Variants in SYT9 observed in about 807,000 individuals in gnomAD.
SYT9 encodes synaptotagmin 9.
In SYT9, 22 loss-of-function variants were observed where a neutral mutation model predicts 48.4. That is an observed-to-expected ratio of 0.45 (90% CI 0.32 to 0.65). The LOEUF is 0.65. Ranked by LOEUF, SYT9 falls within the 30% of genes least tolerant of loss-of-function variation. The pLI is 0.03. For synonymous variants in SYT9, 265 were observed against 245.0 expected (o/e 1.08, Z -0.76); for missense variants, 577 against 622.0 (o/e 0.93, Z 0.77).
At chr11:7,367,109 C>T (rs1850264956) in intron 3 of SYT9, among the ~76,000 whole-genome samples, 1 of 89,402 alleles carries the variant, frequency 1.1e-5, no homozygotes, top group African/African-American at 4.2e-5. Context: ...CGAGACGGAG[C>T]CTCGCTCTGT....
chr11:7,269,119 C>G (rs1848248422), intron 1 of SYT9, among the ~76,000 whole-genome samples: 1 of 151,828 alleles, frequency 6.6e-6, no homozygotes, highest in Admixed American at 6.6e-5. Flanking sequence ...TTTATTTATT[C>G]ATTTACCAGC....
chr11:7,293,057 A>G (rs902370840), intron 1 of SYT9, among the ~76,000 whole-genome samples: 2 of 152,140 alleles, frequency 1.3e-5, no homozygotes, highest in Non-Finnish European at 2.9e-5. Context: ...CATCCGGGCA[A>G]TGCAGGGGTG....
intron 3 of SYT9, among the ~76,000 whole-genome samples, chr11:7,371,081 A>G (rs1030216836): frequency 5.1e-4 from 77 of 152,156 alleles, no homozygotes; most frequent in Non-Finnish European, 8.8e-5. Flanking sequence ...CTTTTCTGAT[A>G]GCAGTAGGCT....
In SYT9 at chr11:7,305,007, A is replaced by G. The variant is rs140452469; in HGVS notation, c.497+1617A>G. Among the ~76,000 whole-genome samples the G allele has an allele frequency of 3.4e-3, 520 of 152,334 alleles. 1 individual carries two copies. The highest frequency in any genetic ancestry group is 0.012 in the African/African-American group (493 of 41,582). ...CTAGATTTGATCTGGGGACTCTGCC[A>G]TAATTCTAACAAACTGATAGCAATG... On this transcript the variant is annotated intron_variant, in intron 2 of 6. Coordinates refer to ENST00000318881, the MANE Select transcript of SYT9 (RefSeq NM_175733.4).
chr11:7,395,028 T>G (rs1004204253), intron 3 of SYT9, among the ~76,000 whole-genome samples: 1 of 152,120 alleles, frequency 6.6e-6, no homozygotes, highest in Non-Finnish European at 1.5e-5. Flanking sequence ...TTAATTTTTA[T>G]TTCCATAGGT....
intron 3 of SYT9, among the ~76,000 whole-genome samples, chr11:7,369,796 C>CAA (rs967810812): frequency 1.8e-5 from 2 of 110,276 alleles, no homozygotes; most frequent in African/African-American, 1.1e-4. Flanking sequence ...CACACACAAA[C>CAA]ACACACACAC....
intron 3 of SYT9, among the ~76,000 whole-genome samples, chr11:7,334,714 T>C (rs1020241314): frequency 1.4e-5 from 2 of 140,126 alleles, no homozygotes; most frequent in African/African-American, 2.6e-5. Context: ...TTTTCTAGGA[T>C]TTTATAGAAA....
At chr11:7,331,780 C>CTTT (rs1849537099) in intron 3 of SYT9, among the ~76,000 whole-genome samples, 1 of 152,110 alleles carries the variant, frequency 6.6e-6, no homozygotes, top group African/African-American at 2.4e-5. Context: ...TATATATGCA[C>CTTT]CCGGAATAGA....
intron 3 of SYT9, among the ~76,000 whole-genome samples, chr11:7,369,794 A>AAACAC (rs1564879657): frequency 0.014 from 2,037 of 143,936 alleles, 53 homozygotes; most frequent in African/African-American, 0.049. Context: ...CACACACACA[A>AAACAC]ACACACACAC....
At chr11:7,337,422 A>G (rs1246940405) in intron 3 of SYT9, among the ~76,000 whole-genome samples, 1 of 152,088 alleles carries the variant, frequency 6.6e-6, no homozygotes, top group Non-Finnish European at 1.5e-5. Flanking sequence ...GTGGTGAGAA[A>G]GGGTATTCAT....
intron 3 of SYT9, among the ~76,000 whole-genome samples, chr11:7,320,244 A>C (rs1564860988): frequency 6.6e-6 from 1 of 152,176 alleles, no homozygotes; most frequent in Non-Finnish European, 1.5e-5. Flanking sequence ...CAGTCTGTGC[A>C]GGAAAAGGTG....
intron 3 of SYT9, among the ~76,000 whole-genome samples, chr11:7,344,705 G>T (rs138673736): frequency 1.3e-4 from 20 of 152,230 alleles, no homozygotes; most frequent in Non-Finnish European, 2.8e-4. Flanking sequence ...CACCTTTGAA[G>T]AAAATAATTG....
chr11:7,286,651 T>C (rs1185714330), intron 1 of SYT9, among the ~76,000 whole-genome samples: 1 of 152,226 alleles, frequency 6.6e-6, no homozygotes, highest in African/African-American at 2.4e-5. Flanking sequence ...TTTTATGCTC[T>C]GCTTCCTCTT....
At chr11:7,383,175 A>AT (rs1363852151) in intron 3 of SYT9, among the ~76,000 whole-genome samples, 2 of 152,190 alleles carry the variant, frequency 1.3e-5, no homozygotes, top group East Asian at 3.9e-4. Context: ...CATCAGTGTG[A>AT]TTATTACAGG....
At chr11:7,460,180 A>G (rs1035516457) in intron 6 of SYT9, among the ~76,000 whole-genome samples, 2 of 152,240 alleles carry the variant, frequency 1.3e-5, no homozygotes, top group African/African-American at 2.4e-5. Context: ...GTTAACTGTT[A>G]TAATGATTAT....
chr11:7,446,188 T>C lies in SYT9; in HGVS notation c.1468-20604T>C, dbSNP rs900615205. 2.0e-5 allele frequency among the ~76,000 whole-genome samples: 3 copies of C among 152,246 alleles called. No individual in the cohort carries two copies. In the South Asian group the frequency reaches 6.2e-4, roughly 31 times the overall value. On this transcript the variant is annotated intron_variant, in intron 6 of 6. Transcript: ENST00000318881. Reference sequence around the variant, plus strand: ...GCAAAGGAAATGAAAAGCTCCCAACTGCTGAAATCATGGAGCTGGAATATC... The same window carrying C: ...GCAAAGGAAATGAAAAGCTCCCAACCGCTGAAATCATGGAGCTGGAATATC...
intron 3 of SYT9, among the ~76,000 whole-genome samples, chr11:7,366,391 C>T (rs1159381474): frequency 6.6e-6 from 1 of 152,092 alleles, no homozygotes; most frequent in African/African-American, 2.4e-5. Flanking sequence ...CACTTATTTT[C>T]GATAAACCTG....
At chr11:7,381,152 T>A (rs1850554969) in intron 3 of SYT9, among the ~76,000 whole-genome samples, 1 of 152,188 alleles carries the variant, frequency 6.6e-6, no homozygotes, top group Admixed American at 6.5e-5. Context: ...TCTATCCAGA[T>A]CATCCATAAG....
chr11:7,393,073 A>T (rs1034877894), intron 3 of SYT9, among the ~76,000 whole-genome samples: 1 of 152,080 alleles, frequency 6.6e-6, no homozygotes, highest in Admixed American at 6.6e-5. Flanking sequence ...CTCTTTTCCT[A>T]TTTAGATGTC....
Sources: allele counts gnomAD v4.1 joint callset (sites outside exome capture counted in the v4.1 genomes callset), GRCh38; gene constraint gnomAD v4.1.1; transcripts MANE v1.5; gene names NCBI Gene and HGNC (gene_info 2026-07-23, HGNC 2026-07-21).